CCDC88B: variants seen among roughly 807,000 people sequenced by gnomAD.
CCDC88B encodes the protein coiled-coil and HOOK domain protein 88B, also known as coiled-coil domain-containing protein 88B.
CCDC88B carries 138 observed loss-of-function variants against 183.7 expected under a neutral mutation model. The observed-to-expected ratio is 0.75, with a 90% confidence interval of 0.65 to 0.87. The LOEUF (loss-of-function observed/expected upper bound fraction) is 0.87. CCDC88B is among the 40% of genes least tolerant of loss of function. CCDC88B has a pLI of 0.00. For missense variants in CCDC88B, 1,822 were observed against 1,965.6 expected (o/e 0.93, Z 1.38); for synonymous variants, 835 against 867.5 (o/e 0.96, Z 0.66).
In CCDC88B at chr11:64,351,255, T is replaced by C. The variant is rs2036316848; in HGVS notation, c.2958T>C (p.Ser986=). ...TGCGGCTTATTGAGGTGGAGCGCAG[T>C]GTGAGTGTGGGCCCACAGTGGGCCC... is the stretch of plus-strand genomic sequence containing the variant. ...QNVRLIEVER[S]NAMLVAEKAA... The change falls in exon 17 of 27, where the codon AGT becomes AGC. Residue 986 remains serine, a splice_region_variant and synonymous_variant. Coordinates refer to ENST00000356786, the MANE Select transcript of CCDC88B (RefSeq NM_032251.6). The C allele has an allele frequency of 3.3e-6, 5 of 1,519,970 alleles. No individual in the cohort carries two copies. The East Asian group carries it at 7.4e-5, about 22-fold the overall frequency. 94.2% of individuals were successfully genotyped at this position (1,519,970 alleles called of 1,614,324 possible).
chr11:64,353,583 G>T, intron 22 of CCDC88B, 87 bp downstream of exon 22: 2 of 1,578,762 alleles, frequency 1.3e-6, no homozygotes, highest in Non-Finnish European at 1.7e-6. Flanking sequence ...CTAGGGACAG[G>T]GTTGGAGCTG....
chr11:64,344,715 CAGAGCAGG>C lies in CCDC88B; in HGVS notation c.2177_2184del (p.Glu726GlyfsTer14). The C allele has an allele frequency of 6.2e-7, 1 of 1,614,052 alleles. No homozygotes were observed. The highest frequency in any genetic ancestry group is 8.5e-7 in the Non-Finnish European group (1 of 1,179,992). ...GGGGAGAGCCTGGCCAGTGGTGTCG[CAGAGCAGG>C]AGGCCCTCAGGGAGGAGGTGGCACA... On this transcript the variant is annotated frameshift_variant, in exon 14 of 27. Transcript: ENST00000356786. LOFTEE classifies it high-confidence loss of function. This position sits in a 1 kb window ranked among gnomAD's most constrained non-coding sequence, Gnocchi z 4.5.
intron 16 of CCDC88B, chr11:64,349,880 C>A (rs1025978796): frequency 1.7e-6 from 1 of 598,638 alleles, no homozygotes; most frequent in Non-Finnish European, 3.0e-6. Context: ...CCCCATTCTG[C>A]ACATGGACAG....
rs1233236438 is a variant in CCDC88B, at chr11:64,353,485, G to T, written c.3822G>T (p.Gln1274His). 3 of 1,611,732 alleles carry T rather than the reference G, an allele frequency of 1.9e-6. No homozygotes were observed. In the South Asian group the frequency reaches 3.3e-5, roughly 18 times the overall value. ...GTCGGGACCACCTGCACCGCGAACA[G>T]CGGGAGTACCTGTGAGTGGGCCGCC... ...LESRDHLHRE[Q>H]REYLDQLNAL... The change falls in exon 22 of 27, where the codon CAG becomes CAT. Residue 1274 changes from glutamine to histidine, a missense_variant. Physicochemically the swap from Gln to His is conservative, Grantham distance 24. Coordinates refer to ENST00000356786, the MANE Select transcript of CCDC88B (RefSeq NM_032251.6).
intron 16 of CCDC88B, chr11:64,350,002 G>C (rs2036266803): frequency 2.7e-6 from 1 of 375,322 alleles, no homozygotes; most frequent in Admixed American, 3.8e-5. Flanking sequence ...TACCCAGGCT[G>C]TGTGCGGGCT....
rs142382154 is a variant in CCDC88B, at chr11:64,355,712, C to G, written c.4375+84C>G. On this transcript the variant is annotated intron_variant, in intron 26 of 26. Transcript: ENST00000356786. ...AACCTCATTCATCCATTCTTTCATT[C>G]GACAATGATCCTTTACCAAGTGCCA... The G allele has an allele frequency of 6.1e-6, 8 of 1,310,960 alleles. No individual in the cohort carries two copies. The African/African-American group carries it at 1.2e-4, about 19-fold the overall frequency. 81.2% of individuals were successfully genotyped at this position (1,310,960 alleles called of 1,614,324 possible). A position where few individuals can be genotyped will look rare whatever the true frequency, so the allele number is the denominator to read the frequency against.
In CCDC88B at chr11:64,341,335, C is replaced by A; in HGVS notation, c.447+7C>A. 2 of 1,614,036 alleles carry A rather than the reference C, an allele frequency of 1.2e-6. No individual in the cohort carries two copies. Among genetic ancestry groups the A allele is most frequent in the Non-Finnish European group, 1.7e-6 (2 of 1,180,004 alleles). ...GTTGGGAGCGTCAGTACAGGTGAGC[C>A]GGCGGTGGGAAGGAAAGGTTAGGGT... On this transcript the variant is annotated splice_region_variant and intron_variant, in intron 5 of 26. Transcript: ENST00000356786.
At chr11:64,354,382 C>T (rs969934883) in intron 24 of CCDC88B, among the ~76,000 whole-genome samples, 35 of 152,134 alleles carry the variant, frequency 2.3e-4, no homozygotes, top group Non-Finnish European at 4.1e-4. Flanking sequence ...GTGCTGTCCC[C>T]GACCCAGCCT....
Position 64,357,349 on chromosome 11 carries a change from C to G in CCDC88B, c.*255C>G. ...AGTTCTGGTTCTTCCAGGTGGCTCC[C>G]GCTGAGGCAGCGGTCTCTGGGGGAT... On this transcript the variant is annotated 3_prime_UTR_variant, in exon 27 of 27. Transcript: ENST00000356786. 1 of 718,512 alleles carries G rather than the reference C, an allele frequency of 1.4e-6. No homozygotes were observed. The highest frequency in any genetic ancestry group is 2.6e-6 in the Non-Finnish European group (1 of 385,948). The allele number at this position is 718,512 out of a possible 1,614,324, so 44.5% of individuals were successfully genotyped here.
chr11:64,343,636 G>T, intron 12 of CCDC88B, 21 bp downstream of exon 12: 1 of 1,548,958 alleles, frequency 6.5e-7, no homozygotes. Context: ...CCACTGGAAG[G>T]GCTGGGGTGG....
chr11:64,353,978 C>T (rs2135314285), intron 23 of CCDC88B, 26 bp from the exon 24 acceptor site: 2 of 1,525,578 alleles, frequency 1.3e-6, no homozygotes. Flanking sequence ...CTGTCCTGAC[C>T]CCCTCTTGTG....
At chr11:64,351,063 ATGC>A (rs747907303) in intron 16 of CCDC88B, 94 bp from the exon 17 acceptor site, 5 of 828,214 alleles carry the variant, frequency 6.0e-6, no homozygotes, top group African/African-American at 1.8e-5. Context: ...ACTAGGCTAA[ATGC>A]TGCTGGCAGG....
In CCDC88B at chr11:64,344,251, G is replaced by C; in HGVS notation, c.1710G>C (p.Gln570His). 6.2e-7 allele frequency: 1 copy of C among 1,613,718 alleles called. No homozygotes were observed. The highest frequency in any genetic ancestry group is 1.1e-5 in the South Asian group (1 of 91,040). Reference protein sequence around the residue: ...SPLQAAAMDPQASDWSPQESG... With the variant: ...SPLQAAAMDPHASDWSPQESG... ...TTCAGGCAGCTGCCATGGACCCCCAGGCCTCAGACTGGTCCCCGCAAGAGT... is the reference window on the plus strand; with the variant it reads ...TTCAGGCAGCTGCCATGGACCCCCACGCCTCAGACTGGTCCCCGCAAGAGT... The change falls in exon 14 of 27, where the codon CAG (glutamine) becomes CAC (histidine). Residue 570 changes from glutamine (Q) to histidine (H), a missense_variant. Transcript: ENST00000356786. The surrounding 1 kb of genome is among the most constrained non-coding windows in gnomAD (Gnocchi z 4.5).
At position 64,352,233 on chromosome 11, in the gene CCDC88B, G is replaced by A. The variant is rs762834768; in HGVS notation, c.3203G>A (p.Arg1068His). ...RAARQSQEETRGQQQALLRDH... is the reference protein window; with the variant it reads ...RAARQSQEETHGQQQALLRDH... ...GCACGGCAGTCCCAGGAGGAGACCCGCGGGCAGCAGCAGGCCCTGCTTCGG... is the reference window on the plus strand; with the variant it reads ...GCACGGCAGTCCCAGGAGGAGACCCACGGGCAGCAGCAGGCCCTGCTTCGG... The change falls in exon 19 of 27, where the codon CGC becomes CAC. Residue 1068 changes from arginine to histidine, a missense_variant. Physicochemically the swap from Arg to His is conservative, Grantham distance 29. Coordinates refer to ENST00000356786, the MANE Select transcript of CCDC88B (RefSeq NM_032251.6). 5.0e-6 allele frequency: 8 copies of A among 1,608,882 alleles called. No individual in the cohort carries two copies. The highest frequency in any genetic ancestry group is 2.2e-5 in the South Asian group (2 of 90,658).
At chr11:64,348,575 C>T (rs917560778) in intron 14 of CCDC88B, among the ~76,000 whole-genome samples, 4 of 152,214 alleles carry the variant, frequency 2.6e-5, no homozygotes, top group Non-Finnish European at 5.9e-5. Context: ...GTGCAGTGCC[C>T]CTTGGGCAAG....
chr11:64,353,635 T>A, intron 22 of CCDC88B, 80 bp from the exon 23 acceptor site: 1 of 1,587,244 alleles, frequency 6.3e-7, no homozygotes, highest in South Asian at 1.1e-5. Flanking sequence ...GACCAGTGCG[T>A]CCTCGCTGCA....
Position 64,351,201 on chromosome 11 carries a change from G to A in CCDC88B, c.2904G>A (p.Ala968=), listed in dbSNP as rs755890316. 5.0e-5 allele frequency: 76 copies of A among 1,522,656 alleles called. No homozygotes were observed. The highest frequency in any genetic ancestry group is 1.6e-4 in the South Asian group (13 of 79,618). 94.3% of individuals were successfully genotyped at this position (1,522,656 alleles called of 1,614,324 possible). A position where few individuals can be genotyped will look rare whatever the true frequency, so the allele number is the denominator to read the frequency against. ...GPAGLGPKKR[A]EPQLVETQNV... Reference sequence around the variant, plus strand: ...CGGGGCTGGGGCCCAAAAAGCGTGCGGAGCCTCAGCTGGTGGAGACCCAGA... The same window carrying A: ...CGGGGCTGGGGCCCAAAAAGCGTGCAGAGCCTCAGCTGGTGGAGACCCAGA... Residue 968 remains alanine, a synonymous_variant, in exon 17 of 27, where the codon GCG becomes GCA. Coordinates refer to ENST00000356786, the MANE Select transcript of CCDC88B (RefSeq NM_032251.6).
rs777401623 is a variant in CCDC88B at position 64,352,206 on chromosome 11, C to T, written c.3176C>T (p.Ala1059Val). 24 of 1,605,910 alleles carry T rather than the reference C, an allele frequency of 1.5e-5. No individual in the cohort carries two copies. The highest frequency in any genetic ancestry group is 4.5e-5 in the East Asian group (2 of 44,404). The change falls in exon 19 of 27, where the codon GCG becomes GTG. Residue 1059 changes from alanine to valine, a missense_variant. Physicochemically the swap from Ala to Val is moderately conservative, Grantham distance 64. Transcript: ENST00000356786. ...KLEVLEEEVR[A>V]ARQSQEETRG... ...GAGGTGCTGGAGGAGGAGGTGCGGGCGGCACGGCAGTCCCAGGAGGAGACC... is the reference window on the plus strand; with the variant it reads ...GAGGTGCTGGAGGAGGAGGTGCGGGTGGCACGGCAGTCCCAGGAGGAGACC...
At position 64,355,250 on chromosome 11, in the gene CCDC88B, G is replaced by T; in HGVS notation, c.4156G>T (p.Glu1386Ter). The T allele has an allele frequency of 1.3e-6, 2 of 1,553,708 alleles. No individual in the cohort carries two copies. The highest frequency in any genetic ancestry group is 1.7e-6 in the Non-Finnish European group (2 of 1,153,378). Reference protein sequence around the residue: ...RAQSSLCLRDETLAGGQRRKL... With the variant: ...RAQSSLCLRD ...CCAGAGCTCCCTCTGCCTGCGGGAT[G>T]AGACCTTGGCAGGCGGGCAGCGGCG... Residue 1386 changes from glutamate (E) to a stop codon, truncating the protein, a stop_gained, in exon 25 of 27, where the codon GAG becomes TAG. Transcript: ENST00000356786. LOFTEE classifies it high-confidence loss of function.
Sources: gnomAD v4.1 joint callset for allele counts (sites outside exome capture counted in the v4.1 genomes callset) on GRCh38, gnomAD v4.1.1 for gene constraint, Gnocchi (gnomAD v3.1) non-coding constraint, MANE v1.5 for transcripts, NCBI Gene and HGNC (gene_info 2026-07-23, HGNC 2026-07-21) for gene names.